The following TLN2 variants were observed in gnomAD, a reference collection of about 807,000 sequenced individuals.
TLN2 encodes talin-2.
TLN2 carries 118 observed loss-of-function variants against 294.7 expected under a neutral mutation model. The observed-to-expected ratio is 0.40, with a 90% confidence interval of 0.34 to 0.47. TLN2 has a LOEUF of 0.47. TLN2 is among the 20% of genes least tolerant of loss of function. The pLI is 0.84. For missense variants in TLN2, 3,083 were observed against 3,282.2 expected (o/e 0.94, Z 1.48); for synonymous variants, 1,431 against 1,304.5 (o/e 1.10, Z -2.09).
In TLN2 at chr15:62,753,882, A is replaced by G. The variant is rs1478295210; in HGVS notation, c.4442A>G (p.Gln1481Arg). Residue 1481 changes from glutamine to arginine, a missense_variant, in exon 36 of 59, where the codon CAG becomes CGG. Gln to Arg is a conservative substitution (Grantham distance 43, BLOSUM62 1). Coordinates refer to ENST00000636159, the MANE Select transcript of TLN2 (RefSeq NM_015059.3). ...RANQAIQMAC[Q>R]NLVDPGSSPS... The stretch of plus-strand genomic sequence containing the variant: ...AACCAGGCCATCCAGATGGCATGCC[A>G]GAACTTGGTGGACCCTGGCAGCAGC... 1 of 1,609,576 alleles carries G rather than the reference A, an allele frequency of 6.2e-7. No homozygotes were observed.
At chr15:62,827,405 T>C (rs1398964831) in intron 54 of TLN2, among the ~76,000 whole-genome samples, 1 of 152,172 alleles carries the variant, frequency 6.6e-6, no homozygotes, top group Non-Finnish European at 1.5e-5. Context: ...AAGAGAAGTT[T>C]AATTTGGAAC....
intron 1 of TLN2, among the ~76,000 whole-genome samples, chr15:62,410,142 T>C (rs928515010): frequency 6.6e-6 from 1 of 151,994 alleles, no homozygotes; most frequent in Non-Finnish European, 1.5e-5. Flanking sequence ...CTCAGGAGGC[T>C]GAGGCGGGAG....
At chr15:62,426,383 G>A (rs558317762) in intron 1 of TLN2, among the ~76,000 whole-genome samples, 1 of 152,340 alleles carries the variant, frequency 6.6e-6, no homozygotes, top group East Asian at 1.9e-4. Context: ...CTGCCCTCCT[G>A]GGGCTGCGCC....
chr15:62,718,582 G>A (rs1429990565), intron 24 of TLN2, among the ~76,000 whole-genome samples: 2 of 152,180 alleles, frequency 1.3e-5, no homozygotes, highest in Admixed American at 6.5e-5. Flanking sequence ...CTGCTGTTGT[G>A]GACTGAATGC....
chr15:62,692,165 T>C (rs1224718697), intron 12 of TLN2, among the ~76,000 whole-genome samples: 1 of 152,236 alleles, frequency 6.6e-6, no homozygotes, highest in Non-Finnish European at 1.5e-5. Flanking sequence ...CAAACCCTGT[T>C]GGTTCTGTCG....
intron 43 of TLN2, among the ~76,000 whole-genome samples, chr15:62,779,670 G>A (rs1024520505): frequency 6.6e-6 from 1 of 152,232 alleles, no homozygotes; most frequent in Non-Finnish European, 1.5e-5. Context: ...CTCCTAGCAT[G>A]TGGCCTGAGG....
intron 1 of TLN2, among the ~76,000 whole-genome samples, chr15:62,573,188 T>C (rs1045538503): frequency 3.9e-5 from 6 of 152,112 alleles, no homozygotes; most frequent in Admixed American, 3.3e-4. Context: ...TCCACCTTGA[T>C]CACACCCCTC....
intron 1 of TLN2, among the ~76,000 whole-genome samples, chr15:62,567,403 C>G (rs768446504): frequency 1.3e-5 from 2 of 152,218 alleles, no homozygotes; most frequent in Non-Finnish European, 2.9e-5. Context: ...AAAGATTGCA[C>G]TGACCGAAAA....
At position 62,511,237 on chromosome 15, in the gene TLN2, G is replaced by A. The variant is rs565702693; in HGVS notation, c.-237-78450G>A. The stretch of plus-strand genomic sequence containing the variant: ...AACGTGGTAAAATATACGGGCTTCC[G>A]ATGAGTCTATTAGTGTGTTTTTTTA... On this transcript the variant is annotated intron_variant, in intron 1 of 58. Coordinates refer to ENST00000636159, the MANE Select transcript of TLN2 (RefSeq NM_015059.3). Among the ~76,000 whole-genome samples the A allele has an allele frequency of 3.4e-4, 52 of 152,300 alleles. 1 individual carries two copies. Among genetic ancestry groups the A allele is most frequent in the Non-Finnish European group, 4.4e-4 (30 of 68,024 alleles).
intron 54 of TLN2, among the ~76,000 whole-genome samples, chr15:62,821,192 G>A (rs1003320287): frequency 2.6e-5 from 4 of 152,258 alleles, no homozygotes; most frequent in African/African-American, 7.2e-5. Flanking sequence ...TAGGCAGGAG[G>A]AAGGACACTT....
intron 45 of TLN2, among the ~76,000 whole-genome samples, chr15:62,785,667 G>A (rs3985681): frequency 0.98 from 141,459 of 144,560 alleles, 69,288 homozygotes; most frequent in Middle Eastern, 1. Context: ...AAAAAAAAAA[G>A]GGGAAGAAGT....
At chr15:62,677,357 C>T (rs756622073) in intron 11 of TLN2, among the ~76,000 whole-genome samples, 2 of 152,226 alleles carry the variant, frequency 1.3e-5, no homozygotes, top group African/African-American at 4.8e-5. Context: ...TTAATACCAT[C>T]AGGCTTCACA....
At chr15:62,632,003 A>G (rs2049944282) in intron 3 of TLN2, among the ~76,000 whole-genome samples, 1 of 152,206 alleles carries the variant, frequency 6.6e-6, no homozygotes, top group Admixed American at 6.5e-5. Context: ...CACAGTAGGT[A>G]CAGCCATTGG....
At chr15:62,806,391 G>A (rs1356468162) in intron 51 of TLN2, among the ~76,000 whole-genome samples, 2 of 152,172 alleles carry the variant, frequency 1.3e-5, no homozygotes, top group Admixed American at 1.3e-4. Flanking sequence ...GTGGTGGATA[G>A]GGATTGCAGC....
chr15:62,686,760 C>A lies in TLN2; in HGVS notation c.1077C>A (p.Val359=). ...TGCAGGAGTGGCCCCTCACCACCGT[C>A]AAGCGCTGGGCAGCCTCACCCAAGA... is the stretch of plus-strand genomic sequence containing the variant. ...EVLQEWPLTT[V]KRWAASPKSF... Residue 359 remains valine (V), a synonymous_variant, in exon 12 of 59, where the codon GTC becomes GTA. Coordinates refer to ENST00000636159, the MANE Select transcript of TLN2 (RefSeq NM_015059.3). 1 of 1,613,586 alleles carries A rather than the reference C, an allele frequency of 6.2e-7. No homozygotes were observed. Among genetic ancestry groups the A allele is most frequent in the East Asian group, 2.2e-5 (1 of 44,866 alleles).
chr15:62,419,663 T>C (rs1281045451), intron 1 of TLN2, among the ~76,000 whole-genome samples: 1 of 146,712 alleles, frequency 6.8e-6, no homozygotes, highest in Non-Finnish European at 1.5e-5. Context: ...GGGGAGGGGT[T>C]GATGGGGACA....
intron 42 of TLN2, among the ~76,000 whole-genome samples, chr15:62,771,991 C>T (rs577843755): frequency 6.6e-6 from 1 of 152,272 alleles, no homozygotes; most frequent in East Asian, 1.9e-4. Context: ...TCATGTCTTA[C>T]TGTATTGCCC....
intron 45 of TLN2, chr15:62,784,231 C>A: frequency 2.5e-6 from 1 of 394,768 alleles, no homozygotes; most frequent in Non-Finnish European, 4.5e-6. Context: ...TCACTTCCTA[C>A]TCCAGTTAGC....
intron 1 of TLN2, among the ~76,000 whole-genome samples, chr15:62,500,686 A>G (rs1039207478): frequency 2.0e-5 from 3 of 152,374 alleles, no homozygotes; most frequent in East Asian, 3.9e-4. Flanking sequence ...AATATCTGCT[A>G]TGGCAATCTC....
Sources: gnomAD v4.1 joint callset for allele counts (sites outside exome capture counted in the v4.1 genomes callset) on GRCh38, gnomAD v4.1.1 for gene constraint, MANE v1.5 for transcripts, NCBI Gene and HGNC (gene_info 2026-07-23, HGNC 2026-07-21) for gene names.